The following PIK3R6 variants were observed in gnomAD, a reference collection of about 807,000 sequenced individuals.
PIK3R6 encodes the protein phosphoinositide 3-kinase regulatory subunit 6.
PIK3R6 carries 91 observed loss-of-function variants against 84.9 expected under a neutral mutation model. The observed-to-expected ratio is 1.07, with a 90% CI of 0.90 to 1.28. PIK3R6 has a LOEUF of 1.28. PIK3R6 is among the 50% of genes most tolerant of loss of function. PIK3R6 has a pLI of 0.00. For synonymous variants in PIK3R6, 416 were observed against 411.4 expected (o/e 1.01, Z -0.13); for missense variants, 996 against 985.1 (o/e 1.01, Z -0.15).
intron 2 of PIK3R6, among the ~76,000 whole-genome samples, chr17:8,843,787 A>G (rs1008067070): frequency 8.6e-5 from 13 of 152,046 alleles, no homozygotes; most frequent in Non-Finnish European, 1.3e-4. Flanking sequence ...GGGGGTGGGG[A>G]GCAATTGCCC....
Position 8,829,903 on chromosome 17 carries a change from C to A in PIK3R6, c.803-111G>T, listed in dbSNP as rs1371019802. On this transcript the variant is annotated intron_variant, in intron 9 of 19. Transcript: ENST00000619866. ...GGGTCTTAGAGAGGTGGCAGGGACTCTCTCCTTCACATCTGGTCTGCCTTT... is the reference window on the plus strand; with the variant it reads ...GGGTCTTAGAGAGGTGGCAGGGACTATCTCCTTCACATCTGGTCTGCCTTT... 9.1e-6 allele frequency: 7 copies of A among 767,514 alleles called. No homozygotes were observed. In the East Asian group the frequency reaches 2.0e-4, roughly 22 times the overall value. The allele number at this position is 767,514 out of a possible 1,614,324, so 47.5% of individuals were successfully genotyped here.
chr17:8,860,300 G>A (rs1370964503), intron 1 of PIK3R6, among the ~76,000 whole-genome samples: 1 of 152,130 alleles, frequency 6.6e-6, no homozygotes, highest in African/African-American at 2.4e-5. Flanking sequence ...GGGGGGCGGT[G>A]TGGGCATAAG....
chr17:8,860,651 A>G (rs1042814793), intron 1 of PIK3R6, among the ~76,000 whole-genome samples: 13 of 152,190 alleles, frequency 8.5e-5, no homozygotes, highest in African/African-American at 3.1e-4. Context: ...ATTTCATATA[A>G]AAATCAAGAT....
rs761980401 is a variant in PIK3R6, at chr17:8,828,677, A to C, written c.1203T>G (p.Ser401Arg). 3 of 1,611,882 alleles carry C rather than the reference A, an allele frequency of 1.9e-6. No individual in the cohort carries two copies. Among genetic ancestry groups the C allele is most frequent in the Non-Finnish European group, 2.5e-6 (3 of 1,179,226 alleles). Residue 401 changes from serine to arginine, a missense_variant, in exon 11 of 20, where the codon AGT becomes AGG. Transcript: ENST00000619866. ...CGCCGGGCAGCATTTCCCCATCCCC[A>C]CTGGGCCGGCCTGTCCTCCGGTGCA... ...PGLHRRTGRP[S>R]GDGEMLPGVS... is the part of the protein sequence containing the mutation.
At chr17:8,821,364 G>T (rs1406576363) in intron 17 of PIK3R6, among the ~76,000 whole-genome samples, 1 of 152,126 alleles carries the variant, frequency 6.6e-6, no homozygotes, top group Non-Finnish European at 1.5e-5. Context: ...AAGCTTCACT[G>T]CCTGGCCTCT....
At position 8,839,886 on chromosome 17, in the gene PIK3R6, G is replaced by C. The variant is rs1360992944; in HGVS notation, c.14-189C>G. 6.6e-6 allele frequency among the ~76,000 whole-genome samples: 1 copy of C among 152,152 alleles called. No individual in the cohort carries two copies. The highest frequency in any genetic ancestry group is 1.5e-5 in the Non-Finnish European group (1 of 68,030). On this transcript the variant is annotated intron_variant, in intron 2 of 19. Coordinates refer to ENST00000619866, the MANE Select transcript of PIK3R6 (RefSeq NM_001010855.4). The surrounding 1 kb of genome is among the most constrained non-coding windows in gnomAD (Gnocchi z 4.2). ...ATAGCCTTCCCTTCCACGTTTCTGTGTTCTTTGTAAAACCTGCATTTCCCA... is the reference window on the plus strand; with the variant it reads ...ATAGCCTTCCCTTCCACGTTTCTGTCTTCTTTGTAAAACCTGCATTTCCCA...
chr17:8,867,428 GC>G (rs889817686), intron 1 of PIK3R6, 100 bp downstream of exon 1: 3 of 179,986 alleles, frequency 1.7e-5, no homozygotes, highest in Non-Finnish European at 2.4e-5. Context: ...GGGTGTTTCA[GC>G]CCCCCCAGGG....
chr17:8,818,653 A>G (rs903280523), intron 18 of PIK3R6, among the ~76,000 whole-genome samples: 6 of 150,838 alleles, frequency 4.0e-5, no homozygotes, highest in African/African-American at 7.3e-5. Context: ...CGTCTTGAGG[A>G]AAAAAAAAAT....
chr17:8,848,069 A>G (rs912544402), intron 2 of PIK3R6, among the ~76,000 whole-genome samples: 3 of 152,114 alleles, frequency 2.0e-5, no homozygotes, highest in Non-Finnish European at 2.9e-5. Flanking sequence ...TCTCTCTCAG[A>G]CAGCCTTTTT....
rs913299840 is a variant in PIK3R6, at chr17:8,862,814, T to C, written c.-92+4715A>G. ...TCAGCAAGACTCCTGGCAGCCAAAA[T>C]AGGCAGCGGGAAAGTGGCTGAGGGA... On this transcript the variant is annotated intron_variant, in intron 1 of 19. Transcript: ENST00000619866. The surrounding 1 kb of genome is among the most constrained non-coding windows in gnomAD (Gnocchi z 4.3). 5.3e-5 allele frequency among the ~76,000 whole-genome samples: 8 copies of C among 152,060 alleles called. No individual in the cohort carries two copies. Among genetic ancestry groups the C allele is most frequent in the African/African-American group, 7.2e-5 (3 of 41,398 alleles).
At position 8,827,300 on chromosome 17, in the gene PIK3R6, G is replaced by C; in HGVS notation, c.1393-6C>G. 6.4e-7 allele frequency: 1 copy of C among 1,551,418 alleles called. No homozygotes were observed. The highest frequency in any genetic ancestry group is 2.4e-5 in the East Asian group (1 of 41,018). On this transcript the variant is annotated splice_polypyrimidine_tract_variant and splice_region_variant and intron_variant, in intron 12 of 19. Coordinates refer to ENST00000619866, the MANE Select transcript of PIK3R6 (RefSeq NM_001010855.4). ...TGCCTGGATGCTGCAGGCTTCTGGG[G>C]GAAAGGGGATGGGGCAGACCCGTCA...
At position 8,803,855 on chromosome 17, in the gene PIK3R6, C is replaced by T. The variant is rs1030573837; in HGVS notation, c.2108+186G>A. 1.5e-5 allele frequency: 9 copies of T among 610,322 alleles called. No individual in the cohort carries two copies. The highest frequency in any genetic ancestry group is 5.8e-5 in the Admixed American group (2 of 34,212). 37.8% of individuals were successfully genotyped at this position (610,322 alleles called of 1,614,324 possible). ...CCCTGGGTATGCCATTCATTTGCCT[C>T]GACTTCCTGGATCCAAAGCATAGGG... On this transcript the variant is annotated intron_variant, in intron 19 of 19. Coordinates refer to ENST00000619866, the MANE Select transcript of PIK3R6 (RefSeq NM_001010855.4). This position sits in a 1 kb window ranked among gnomAD's most constrained non-coding sequence, Gnocchi z 5.0.
In PIK3R6 at chr17:8,839,727, C is replaced by T; in HGVS notation, c.14-30G>A. ...GCAGTGGTAGGGGTGGGAGGAAACT[C>T]AGTCCACTGAACCTCACCCTCGTCC... On this transcript the variant is annotated intron_variant, in intron 2 of 19. Transcript: ENST00000619866. The surrounding 1 kb of genome is among the most constrained non-coding windows in gnomAD (Gnocchi z 4.2). 2.6e-6 allele frequency: 4 copies of T among 1,529,162 alleles called. No homozygotes were observed. Among genetic ancestry groups the T allele is most frequent in the Non-Finnish European group, 3.5e-6 (4 of 1,127,254 alleles). 94.7% of individuals were successfully genotyped at this position (1,529,162 alleles called of 1,614,324 possible).
At chr17:8,822,525 G>A in intron 16 of PIK3R6, 62 bp downstream of exon 16, 1 of 1,562,064 alleles carries the variant, frequency 6.4e-7, no homozygotes, top group Non-Finnish European at 8.8e-7. Flanking sequence ...GCTTGTCCCA[G>A]AGGCCTGCTC....
intron 1 of PIK3R6, among the ~76,000 whole-genome samples, chr17:8,857,751 T>A (rs2089176066): frequency 6.6e-6 from 1 of 152,084 alleles, no homozygotes; most frequent in Non-Finnish European, 1.5e-5. Flanking sequence ...ATACAAAAAA[T>A]TAGCTGGGTG....
At chr17:8,834,618 C>G (rs2088390158) in intron 8 of PIK3R6, among the ~76,000 whole-genome samples, 1 of 151,808 alleles carries the variant, frequency 6.6e-6, no homozygotes, top group East Asian at 1.9e-4. Context: ...GTCTCAAACC[C>G]CTGGCCTTAA....
In PIK3R6 at chr17:8,867,669, A is replaced by T. The variant is rs757434813; in HGVS notation, c.-232T>A. 5 of 433,034 alleles carry T rather than the reference A, an allele frequency of 1.2e-5. No homozygotes were observed. Among genetic ancestry groups the T allele is most frequent in the African/African-American group, 1.0e-4 (5 of 49,056 alleles). 26.8% of individuals were successfully genotyped at this position (433,034 alleles called of 1,614,324 possible). On this transcript the variant is annotated 5_prime_UTR_variant, in exon 1 of 20. Coordinates refer to ENST00000619866, the MANE Select transcript of PIK3R6 (RefSeq NM_001010855.4). Reference sequence around the variant, plus strand: ...CTGTGGTCTTGACTGTGCTCTTCAGATCTGCAAAGAAAAGCTCGATGTCTC... The same window carrying T: ...CTGTGGTCTTGACTGTGCTCTTCAGTTCTGCAAAGAAAAGCTCGATGTCTC...
At chr17:8,822,161 A>G (rs1462151041) in intron 16 of PIK3R6, among the ~76,000 whole-genome samples, 1 of 149,068 alleles carries the variant, frequency 6.7e-6, no homozygotes, top group Non-Finnish European at 1.5e-5. Flanking sequence ...AAGTGCTGGG[A>G]TTACAGGCAT....
intron 4 of PIK3R6, 41 bp from the exon 5 acceptor site, chr17:8,837,912 G>GA: frequency 6.4e-7 from 1 of 1,563,104 alleles, no homozygotes; most frequent in African/African-American, 1.4e-5. Flanking sequence ...TGGGCTGGGG[G>GA]AATCCCCACT....
Sources: allele counts gnomAD v4.1 joint callset (sites outside exome capture counted in the v4.1 genomes callset), GRCh38; gene constraint gnomAD v4.1.1; non-coding constraint Gnocchi (gnomAD v3.1); transcripts MANE v1.5; gene names NCBI Gene and HGNC (gene_info 2026-07-23, HGNC 2026-07-21).